The following ROBO1 variants were observed in gnomAD, a reference collection of about 807,000 sequenced individuals.
ROBO1 encodes the protein roundabout guidance receptor 1.
Under a neutral mutation model 195.9 loss-of-function variants are expected in ROBO1, and 149 were observed. That is an observed-to-expected ratio of 0.76 (90% CI 0.67 to 0.87). The LOEUF (loss-of-function observed/expected upper bound fraction) is 0.87, where lower values mean the gene tolerates loss of function less well. ROBO1 is among the 40% of genes least tolerant of loss of function. The pLI is 0.00. For missense variants in ROBO1, 1,933 were observed against 2,068.3 expected (o/e 0.93, Z 1.27); for synonymous variants, 816 against 733.2 (o/e 1.11, Z -1.82).
chr3:78,647,233 TG>T (rs1242032929), intron 20 of ROBO1, among the ~76,000 whole-genome samples: 2 of 152,026 alleles, frequency 1.3e-5, no homozygotes, highest in Non-Finnish European at 2.9e-5. Flanking sequence ...ATATTGATTC[TG>T]GGGACAGAGA....
rs780482054 is a variant in ROBO1, at chr3:78,651,844, T to C, written c.2700A>G (p.Ile900Met). ...TCCAACAGGCTGCTCCAATACCTGC[T>C]ATGAAGGCCGGCTGCTTCACCACAT... ...ISDVVKQPAF[I>M]AGIGAACWII... Residue 900 changes from isoleucine to methionine, a missense_variant, in exon 19 of 31, where the codon ATA (isoleucine) becomes ATG (methionine). By Grantham distance (10) the Ile-to-Met change is conservative. Transcript: ENST00000464233. The C allele has an allele frequency of 6.2e-7, 1 of 1,613,858 alleles. No individual in the cohort carries two copies. The highest frequency in any genetic ancestry group is 1.1e-5 in the South Asian group (1 of 91,082).
At chr3:78,677,185 G>A (rs1328456587) in intron 10 of ROBO1, among the ~76,000 whole-genome samples, 1 of 152,158 alleles carries the variant, frequency 6.6e-6, no homozygotes, top group African/African-American at 2.4e-5. Flanking sequence ...ACTAAACGTG[G>A]AAAGGAACAA....
At chr3:79,124,989 A>G (rs370446384) in intron 3 of ROBO1, among the ~76,000 whole-genome samples, 34 of 152,172 alleles carry the variant, frequency 2.2e-4, no homozygotes, top group African/African-American at 7.9e-4. Flanking sequence ...CAATCCAAAG[A>G]TGTAAGTTGG....
At chr3:79,256,570 T>C (rs1156852934) in intron 2 of ROBO1, among the ~76,000 whole-genome samples, 2 of 152,110 alleles carry the variant, frequency 1.3e-5, no homozygotes, top group Non-Finnish European at 1.5e-5. Flanking sequence ...GAGTAAAAAC[T>C]AAGAAAATAA....
At chr3:79,006,610 A>C (rs115548435) in intron 3 of ROBO1, among the ~76,000 whole-genome samples, 3,657 of 152,170 alleles carry the variant, frequency 0.024, 142 homozygotes, top group African/African-American at 0.082. Context: ...AGTCCATCTG[A>C]AAGTCCATCT....
intron 10 of ROBO1, among the ~76,000 whole-genome samples, chr3:78,676,039 C>A (rs1489907019): frequency 6.6e-6 from 1 of 152,138 alleles, no homozygotes; most frequent in Non-Finnish European, 1.5e-5. Flanking sequence ...GTTCTGCAGC[C>A]ACCGCTGCTG....
intron 3 of ROBO1, among the ~76,000 whole-genome samples, chr3:78,974,905 A>C (rs566728977): frequency 3.3e-5 from 5 of 152,300 alleles, no homozygotes; most frequent in African/African-American, 1.2e-4. Flanking sequence ...TTGGTTGCTC[A>C]AGGTAAAATT....
At chr3:79,324,529 G>A (rs1382314151) in intron 2 of ROBO1, among the ~76,000 whole-genome samples, 1 of 152,106 alleles carries the variant, frequency 6.6e-6, no homozygotes, top group Non-Finnish European at 1.5e-5. Context: ...CACTAAATTT[G>A]AAACCTCAAT....
intron 2 of ROBO1, among the ~76,000 whole-genome samples, chr3:79,460,686 T>A (rs1255819991): frequency 1.3e-5 from 2 of 152,226 alleles, no homozygotes; most frequent in African/African-American, 4.8e-5. Context: ...TATACAACAA[T>A]ATAATAGCAA....
intron 2 of ROBO1, among the ~76,000 whole-genome samples, chr3:79,360,446 TTC>T (rs1025572030): frequency 1.3e-5 from 2 of 151,946 alleles, no homozygotes; most frequent in African/African-American, 4.8e-5. Flanking sequence ...TTTCTCCACC[TTC>T]TTTTTTAATA....
chr3:79,425,296 G>A (rs2038401520), intron 2 of ROBO1, among the ~76,000 whole-genome samples: 1 of 152,022 alleles, frequency 6.6e-6, no homozygotes, highest in African/African-American at 2.4e-5. Context: ...CAATTGAACG[G>A]CAATTTATTT....
intron 2 of ROBO1, among the ~76,000 whole-genome samples, chr3:79,203,539 A>T (rs2108784195): frequency 6.6e-6 from 1 of 152,324 alleles, no homozygotes; most frequent in East Asian, 1.9e-4. Flanking sequence ...TCCCTCGGAA[A>T]GGGATACTGA....
intron 1 of ROBO1, among the ~76,000 whole-genome samples, chr3:79,746,776 G>C (rs1030714181): frequency 6.6e-6 from 1 of 152,012 alleles, no homozygotes; most frequent in African/African-American, 2.4e-5. Flanking sequence ...AGCTTTTTCA[G>C]AGATAGCCTA....
intron 4 of ROBO1, among the ~76,000 whole-genome samples, chr3:78,879,528 A>T (rs866117930): frequency 3.0e-5 from 2 of 66,254 alleles, no homozygotes; most frequent in South Asian, 3.8e-4. Flanking sequence ...TCATTCATTT[A>T]AAAAAAAAAA....
chr3:78,727,174 A>C (rs1248755748), intron 5 of ROBO1, among the ~76,000 whole-genome samples: 1 of 152,146 alleles, frequency 6.6e-6, no homozygotes, highest in Non-Finnish European at 1.5e-5. Flanking sequence ...TTGGATAATC[A>C]ATCCCAAAAG....
chr3:78,663,978 T>C (rs967349621), intron 14 of ROBO1, among the ~76,000 whole-genome samples: 2 of 152,124 alleles, frequency 1.3e-5, no homozygotes, highest in African/African-American at 4.8e-5. Context: ...CCCAAATTCC[T>C]CTGATTTGAG....
rs143197840 is a variant in ROBO1, at chr3:79,528,386, T to G, written c.88+61438A>C. On this transcript the variant is annotated intron_variant, in intron 2 of 30. Coordinates refer to ENST00000464233, the MANE Select transcript of ROBO1 (RefSeq NM_002941.4). Reference sequence around the variant, plus strand: ...CAATGAGATTTGTATCGGATGGAAATGTATTAACTCATTTTCCTGGCAATC... The same window carrying G: ...CAATGAGATTTGTATCGGATGGAAAGGTATTAACTCATTTTCCTGGCAATC... Among the ~76,000 whole-genome samples, 1,038 of 152,318 alleles carry G rather than the reference T, an allele frequency of 6.8e-3. 9 individuals are homozygous for G. The highest frequency in any genetic ancestry group is 0.02 in the African/African-American group (821 of 41,578).
chr3:79,457,200 T>TACAA (rs572118567), intron 2 of ROBO1, among the ~76,000 whole-genome samples: 1 of 152,200 alleles, frequency 6.6e-6, no homozygotes, highest in African/African-American at 2.4e-5. Flanking sequence ...CAGTCATTAG[T>TACAA]ACAAACAAAC....
intron 3 of ROBO1, among the ~76,000 whole-genome samples, chr3:79,024,561 C>T (rs183915974): frequency 1.1e-3 from 162 of 152,228 alleles, no homozygotes; most frequent in Middle Eastern, 3.4e-3. Flanking sequence ...CTTGAAGAAA[C>T]AAAGATGAGT....
Sources: gnomAD v4.1 joint callset for allele counts (sites outside exome capture counted in the v4.1 genomes callset) on GRCh38, gnomAD v4.1.1 for gene constraint, MANE v1.5 for transcripts, NCBI Gene and HGNC (gene_info 2026-07-23, HGNC 2026-07-21) for gene names.